The following PGM5 variants were observed in gnomAD, a reference collection of about 807,000 sequenced individuals.
The protein encoded by PGM5 is phosphoglucomutase 5.
Under a neutral mutation model 59.2 loss-of-function variants are expected in PGM5, and 23 were observed. The observed-to-expected ratio is 0.39, with a 90% confidence interval of 0.28 to 0.55. The LOEUF (loss-of-function observed/expected upper bound fraction) is 0.55. Ranked by LOEUF, PGM5 falls within the 20% of genes least tolerant of loss-of-function variation. The pLI, the probability that PGM5 is intolerant of heterozygous loss-of-function variation, is 0.66. For synonymous variants in PGM5, 214 were observed against 286.0 expected (o/e 0.75, Z 2.54); for missense variants, 574 against 748.3 (o/e 0.77, Z 2.72).
At chr9:68,405,501 T>A (rs1283697753) in intron 6 of PGM5, 2 of 152,424 alleles carry the variant, frequency 1.3e-5, no homozygotes, top group African/African-American at 4.8e-5. Flanking sequence ...TAACTGACAG[T>A]GGTATTCAAA....
In PGM5 at chr9:68,377,050, C is replaced by T. The variant is rs530901695; in HGVS notation, c.262-1149C>T. Among the ~76,000 whole-genome samples the T allele has an allele frequency of 3.3e-5, 5 of 152,032 alleles. No individual in the cohort carries two copies. The South Asian group carries it at 8.3e-4, about 25-fold the overall frequency. On this transcript the variant is annotated intron_variant, in intron 1 of 10. Transcript: ENST00000396396. ...CAAGCAATTCTCCCACCTCAGCCCC[C>T]GGAGTAGCTGGGACTACAGGCGTGC... is the stretch of plus-strand genomic sequence containing the variant.
rs1269483271 is a variant in PGM5, at chr9:68,364,128, C to A, written c.261+6740C>A. Among the ~76,000 whole-genome samples the A allele has an allele frequency of 3.9e-5, 6 of 152,268 alleles. No individual in the cohort carries two copies. The East Asian group carries it at 1.2e-3, about 29-fold the overall frequency. On this transcript the variant is annotated intron_variant, in intron 1 of 10. Transcript: ENST00000396396. ...GATGAGCAGCAATGATATTAACACA[C>A]AGTGCACCTTGCAGAATTCAAGAAT...
At chr9:68,527,169 C>T (rs1028892009) in intron 10 of PGM5, among the ~76,000 whole-genome samples, 1 of 152,152 alleles carries the variant, frequency 6.6e-6, no homozygotes, top group Non-Finnish European at 1.5e-5. Context: ...GCTTCCCCGC[C>T]CTTTTGCCAA....
intron 10 of PGM5, among the ~76,000 whole-genome samples, chr9:68,510,310 C>T (rs782765371): frequency 6.6e-6 from 1 of 151,954 alleles, no homozygotes; most frequent in Non-Finnish European, 1.5e-5. Flanking sequence ...CGCCACCACG[C>T]CCGGCTAAAT....
chr9:68,421,457 CT>C (rs1186275508), intron 6 of PGM5, among the ~76,000 whole-genome samples: 6 of 152,146 alleles, frequency 3.9e-5, no homozygotes, highest in Non-Finnish European at 5.9e-5. Flanking sequence ...GTGGCTCACG[CT>C]GGTAATCTCA....
intron 6 of PGM5, chr9:68,394,548 A>T (rs559588658): frequency 6.6e-6 from 1 of 152,078 alleles, no homozygotes; most frequent in East Asian, 1.9e-4. Flanking sequence ...TGGGCAAACC[A>T]TTCAAAAAAG....
intron 10 of PGM5, among the ~76,000 whole-genome samples, chr9:68,518,820 C>T: frequency 6.6e-6 from 1 of 152,106 alleles, no homozygotes; most frequent in East Asian, 1.9e-4. Flanking sequence ...GAAGTGCTAA[C>T]ATAATTTAGT....
At chr9:68,510,587 A>G (rs1554689298) in intron 10 of PGM5, among the ~76,000 whole-genome samples, 1 of 152,186 alleles carries the variant, frequency 6.6e-6, no homozygotes, top group African/African-American at 2.4e-5. Context: ...CAGATAATTC[A>G]TATATGTAAA....
intron 6 of PGM5, among the ~76,000 whole-genome samples, chr9:68,435,490 A>G (rs1358230368): frequency 6.6e-6 from 1 of 152,154 alleles, no homozygotes; most frequent in Non-Finnish European, 1.5e-5. Context: ...TCCCTTTTCC[A>G]GACTTTCATA....
chr9:68,484,579 A>C (rs1055021398), intron 9 of PGM5, among the ~76,000 whole-genome samples: 5 of 137,602 alleles, frequency 3.6e-5, no homozygotes, highest in African/African-American at 1.3e-4. Flanking sequence ...CACACACACA[A>C]AACAAAACAA....
At chr9:68,507,395 A>G (rs577948673) in intron 10 of PGM5, among the ~76,000 whole-genome samples, 1 of 152,334 alleles carries the variant, frequency 6.6e-6, no homozygotes, top group South Asian at 2.1e-4. Flanking sequence ...GAAGGGATTC[A>G]CGTTGACTGT....
At chr9:68,479,689 C>T in intron 8 of PGM5, 136 bp downstream of exon 8, 1 of 725,960 alleles carries the variant, frequency 1.4e-6, no homozygotes. Flanking sequence ...AATCCCAGCA[C>T]TTTGGGAGGC....
intron 6 of PGM5, among the ~76,000 whole-genome samples, chr9:68,421,194 C>G (rs1337208411): frequency 1.3e-5 from 2 of 152,192 alleles, no homozygotes; most frequent in African/African-American, 4.8e-5. Context: ...CTGATCTTCC[C>G]CTAATCGGCC....
intron 6 of PGM5, chr9:68,402,496 G>A (rs1554680739): frequency 6.6e-6 from 1 of 152,186 alleles, no homozygotes; most frequent in East Asian, 1.9e-4. Context: ...CAGGTGAGTT[G>A]AATTGTCTCT....
At chr9:68,501,247 A>T (rs1011004471) in intron 10 of PGM5, among the ~76,000 whole-genome samples, 12 of 152,196 alleles carry the variant, frequency 7.9e-5, no homozygotes, top group African/African-American at 2.4e-4. Context: ...TGATCTAGCT[A>T]AAAGTTTTAC....
intron 10 of PGM5, among the ~76,000 whole-genome samples, chr9:68,501,442 C>A (rs1554688657): frequency 1.3e-5 from 2 of 152,196 alleles, no homozygotes. Context: ...CTGAACTCTA[C>A]CTAAGCCTTT....
rs1412166571 is a variant in PGM5 at position 68,464,964 on chromosome 9, C to T, written c.1044-129C>T. 9.1e-6 allele frequency: 5 copies of T among 547,878 alleles called. No individual in the cohort carries two copies. In the African/African-American group the frequency reaches 9.7e-5, roughly 11 times the overall value. The allele number at this position is 547,878 out of a possible 1,614,324, so 33.9% of individuals were successfully genotyped here. On this transcript the variant is annotated intron_variant, in intron 6 of 10. Coordinates refer to ENST00000396396, the MANE Select transcript of PGM5 (RefSeq NM_021965.4). ...TATGGCTTGATATCCTGAAATCTGT[C>T]AACACTACCCAGGTTGTTCTGAAAT...
chr9:68,499,327 A>G lies in PGM5; in HGVS notation c.1580A>G (p.Glu527Gly). ...CTCAGACTGTACGCAGAGAGCTACG[A>G]GAGGGATCCCAGCGGCCATGACCAG... Reference protein sequence around the residue: ...ATLRLYAESYERDPSGHDQEP... With the variant: ...ATLRLYAESYGRDPSGHDQEP... Residue 527 changes from glutamate to glycine, a missense_variant, in exon 10 of 11, where the codon GAG becomes GGG. Glu to Gly is a moderately conservative substitution (Grantham distance 98). This residue lies in a region of PGM5 where 300 missense variants were observed against 280.0 expected (regional missense o/e 1.07). Transcript: ENST00000396396. The G allele has an allele frequency of 6.2e-7, 1 of 1,614,076 alleles. No individual in the cohort carries two copies. Among genetic ancestry groups the G allele is most frequent in the Non-Finnish European group, 8.5e-7 (1 of 1,180,002 alleles).
Position 68,529,710 on chromosome 9 carries a change from T to A in PGM5, c.*54T>A. ...AAGAGAGTGCTCAGCGGGAGATGCT[T>A]CACTGATGCCTTCTTGCTACCTGTT... is the stretch of plus-strand genomic sequence containing the variant. On this transcript the variant is annotated 3_prime_UTR_variant, in exon 11 of 11. Transcript: ENST00000396396. 9.6e-7 allele frequency: 1 copy of A among 1,046,430 alleles called. No homozygotes were observed. Among genetic ancestry groups the A allele is most frequent in the Non-Finnish European group, 1.4e-6 (1 of 726,280 alleles). The allele number at this position is 1,046,430 out of a possible 1,614,324, so 64.8% of individuals were successfully genotyped here. A position where few individuals can be genotyped will look rare whatever the true frequency, so the allele number is the denominator to read the frequency against.
Sources: allele counts gnomAD v4.1 joint callset (sites outside exome capture counted in the v4.1 genomes callset), GRCh38; gene constraint gnomAD v4.1.1; regional missense constraint gnomAD v4.1.1; transcripts MANE v1.5; gene names NCBI Gene and HGNC (gene_info 2026-07-23, HGNC 2026-07-21).